Variants in BRSK2 observed in about 807,000 individuals in gnomAD.
The protein encoded by BRSK2 is BR serine/threonine kinase 2.
BRSK2 carries 19 observed loss-of-function variants against 83.3 expected under a neutral mutation model. That is an observed-to-expected ratio of 0.23 (90% CI 0.16 to 0.33). The LOEUF (loss-of-function observed/expected upper bound fraction) is 0.33. Ranked by LOEUF, BRSK2 falls within the 10% of genes least tolerant of loss-of-function variation. The pLI, the probability that BRSK2 is intolerant of heterozygous loss-of-function variation, is 1.00. For synonymous variants in BRSK2, 519 were observed against 435.4 expected (o/e 1.19, Z -2.39); for missense variants, 798 against 1,042.3 (o/e 0.77, Z 3.23).
chr11:1,442,409 C>T (rs959796035), intron 4 of BRSK2, 81 bp from the exon 5 acceptor site: 1 of 1,070,944 alleles, frequency 9.3e-7, no homozygotes, highest in African/African-American at 1.6e-5. Flanking sequence ...AGGCAGTGGG[C>T]TCTGGGCAGG....
intron 1 of BRSK2, among the ~76,000 whole-genome samples, chr11:1,403,185 C>T (rs1280564073): frequency 6.6e-6 from 1 of 152,152 alleles, no homozygotes; most frequent in African/African-American, 2.4e-5. Context: ...GTCACGCTAC[C>T]CTTCCCCTGG....
At chr11:1,459,575 C>A in intron 19 of BRSK2, 2 of 356,528 alleles carry the variant, frequency 5.6e-6, no homozygotes, top group East Asian at 5.5e-5. Flanking sequence ...GGGCCGGTGC[C>A]CATCCCTCTG....
At chr11:1,437,446 C>T (rs538494982) in intron 2 of BRSK2, among the ~76,000 whole-genome samples, 4 of 152,320 alleles carry the variant, frequency 2.6e-5, no homozygotes, top group Non-Finnish European at 4.4e-5. Context: ...ACCAGCTGCC[C>T]GTGGCCAGGC....
At position 1,401,157 on chromosome 11, in the gene BRSK2, C is replaced by T. The variant is rs556277442; in HGVS notation, c.91+10782C>T. Reference sequence around the variant, plus strand: ...CTGCATGGGGCAGGGGACGCCCTGCCCACTCCGCAGGCCTCTAGGCTCCCG... The same window carrying T: ...CTGCATGGGGCAGGGGACGCCCTGCTCACTCCGCAGGCCTCTAGGCTCCCG... On this transcript the variant is annotated intron_variant, in intron 1 of 19. Transcript: ENST00000528841. Among the ~76,000 whole-genome samples, 36 of 152,318 alleles carry T rather than the reference C, an allele frequency of 2.4e-4. 1 individual carries two copies. The highest frequency in any genetic ancestry group is 7.9e-4 in the African/African-American group (33 of 41,574).
At chr11:1,426,078 C>T (rs755452158) in intron 1 of BRSK2, among the ~76,000 whole-genome samples, 12 of 152,342 alleles carry the variant, frequency 7.9e-5, no homozygotes, top group Middle Eastern at 3.4e-3. Flanking sequence ...CTAGCCTGTG[C>T]GCGCCCATTC....
In BRSK2 at chr11:1,438,081, G is replaced by A. The variant is rs1156677766; in HGVS notation, c.187-225G>A. ...GCGTCCCCCACAGCTGGCACCAAAG[G>A]CCCCTGCGTCCCCCACAGCTGGCAC... is the stretch of plus-strand genomic sequence containing the variant. On this transcript the variant is annotated intron_variant, in intron 2 of 19. Transcript: ENST00000528841. This position sits in a 1 kb window ranked among gnomAD's most constrained non-coding sequence, Gnocchi z 6.4. Among the ~76,000 whole-genome samples the A allele has an allele frequency of 6.8e-6, 1 of 147,062 alleles. No individual in the cohort carries two copies. The highest frequency in any genetic ancestry group is 1.5e-5 in the Non-Finnish European group (1 of 66,052).
intron 1 of BRSK2, among the ~76,000 whole-genome samples, chr11:1,413,528 C>G (rs1160511266): frequency 2.0e-5 from 3 of 152,192 alleles, no homozygotes; most frequent in African/African-American, 7.2e-5. Flanking sequence ...GCCCTGGGAG[C>G]CCTACAGCCC....
intron 11 of BRSK2, 40 bp from the exon 12 acceptor site, chr11:1,445,717 G>A (rs1300193680): frequency 1.9e-6 from 3 of 1,611,024 alleles, no homozygotes; most frequent in Non-Finnish European, 2.5e-6. Context: ...GCCCCACCGG[G>A]GTCCGGGGGC....
intron 19 of BRSK2, chr11:1,459,497 G>A (rs1847130065): frequency 3.8e-6 from 2 of 521,288 alleles, no homozygotes; most frequent in Admixed American, 3.2e-5. Context: ...CCCAAGAAGG[G>A]GCTCCCAAGG....
intron 1 of BRSK2, among the ~76,000 whole-genome samples, chr11:1,433,312 C>T (rs1352269172): frequency 6.6e-6 from 1 of 152,266 alleles, no homozygotes; most frequent in African/African-American, 2.4e-5. Flanking sequence ...CCACAGCCTC[C>T]CTCCTGCTTC....
At chr11:1,406,808 AGAG>A (rs1258305061) in intron 1 of BRSK2, among the ~76,000 whole-genome samples, 2 of 152,078 alleles carry the variant, frequency 1.3e-5, no homozygotes, top group Admixed American at 6.5e-5. Context: ...AGCTTGGAAA[AGAG>A]GAGCCCAGGC....
intron 1 of BRSK2, among the ~76,000 whole-genome samples, chr11:1,429,550 C>A (rs1439044267): frequency 1.8e-5 from 2 of 113,430 alleles, no homozygotes; most frequent in African/African-American, 7.0e-5. Flanking sequence ...GCGTCTTCTG[C>A]GGTCTGGTCA....
rs2272426 is a variant in BRSK2, at chr11:1,438,469, G to C, written c.272+78G>C. The C allele has an allele frequency of 0.11, 144,021 of 1,361,422 alleles. 13,691 individuals are homozygous for C. The highest frequency in any genetic ancestry group is 0.34 in the African/African-American group (23,825 of 70,144). 84.3% of individuals were successfully genotyped at this position (1,361,422 alleles called of 1,614,324 possible). ...TGCAGGGGTGGGTGTCTGGGGCTTG[G>C]GGAGCACAGGGGCTGGAGGCCAGGG... On this transcript the variant is annotated intron_variant, in intron 3 of 19. Transcript: ENST00000528841. The surrounding 1 kb of genome is among the most constrained non-coding windows in gnomAD (Gnocchi z 6.4).
Position 1,390,815 on chromosome 11 carries a change from C to T in BRSK2, c.91+440C>T, listed in dbSNP as rs1415873141. Reference sequence around the variant, plus strand: ...AGCAGCTGCGCCCCCGGCGGGACTCCCACCTCCGCGCGCCGGCCACCGGGG... The same window carrying T: ...AGCAGCTGCGCCCCCGGCGGGACTCTCACCTCCGCGCGCCGGCCACCGGGG... On this transcript the variant is annotated intron_variant, in intron 1 of 19. Transcript: ENST00000528841. The surrounding 1 kb of genome is among the most constrained non-coding windows in gnomAD (Gnocchi z 6.8). Among the ~76,000 whole-genome samples, 1 of 152,108 alleles carries T rather than the reference C, an allele frequency of 6.6e-6. No homozygotes were observed. Among genetic ancestry groups the T allele is most frequent in the South Asian group, 2.1e-4 (1 of 4,832 alleles).
At position 1,438,270 on chromosome 11, in the gene BRSK2, C is replaced by G; in HGVS notation, c.187-36C>G. Reference sequence around the variant, plus strand: ...GTGGGGAGCGATGCGTGCCCCAGCCCTGTGAGCGTGATGTTCTCTGGCCTC... The same window carrying G: ...GTGGGGAGCGATGCGTGCCCCAGCCGTGTGAGCGTGATGTTCTCTGGCCTC... On this transcript the variant is annotated intron_variant, in intron 2 of 19. Transcript: ENST00000528841. The surrounding 1 kb of genome is among the most constrained non-coding windows in gnomAD (Gnocchi z 6.4). 1 of 1,604,302 alleles carries G rather than the reference C, an allele frequency of 6.2e-7. No individual in the cohort carries two copies. Among genetic ancestry groups the G allele is most frequent in the Non-Finnish European group, 8.5e-7 (1 of 1,171,404 alleles).
At chr11:1,442,705 C>CGGCACCCCACAGGCA in intron 5 of BRSK2, 99 bp downstream of exon 5, 1 of 963,288 alleles carries the variant, frequency 1.0e-6, no homozygotes. Context: ...CTGAGCCTCC[C>CGGCACCCCACAGGCA]GGCACCCCAC....
intron 18 of BRSK2, chr11:1,457,172 C>T: frequency 4.4e-6 from 4 of 910,646 alleles, no homozygotes; most frequent in South Asian, 1.8e-5. Context: ...ACAGGCCAAG[C>T]ATGCCCCGGG....
chr11:1,436,180 CGGGGAATAGCACAGGGGTGGGAG>C, intron 2 of BRSK2, 46 bp downstream of exon 2: 1 of 81,334 alleles, frequency 1.2e-5, no homozygotes, highest in Non-Finnish European at 2.3e-5. Context: ...TGGGGTGGGG[CGGGGAATAGCACAGGGGTGGGAG>C]CCAAGGTTGT....
Position 1,438,159 on chromosome 11 carries a change from C to A in BRSK2, c.187-147C>A. ...GCACCAAAGGCCCCTGCGTCCCCCA[C>A]AGCTGGCACCAAAGGCCCCTGCGAC... On this transcript the variant is annotated intron_variant, in intron 2 of 19. Transcript: ENST00000528841. This position sits in a 1 kb window ranked among gnomAD's most constrained non-coding sequence, Gnocchi z 6.4. 1 of 558,106 alleles carries A rather than the reference C, an allele frequency of 1.8e-6. No individual in the cohort carries two copies. Among genetic ancestry groups the A allele is most frequent in the South Asian group, 2.1e-5 (1 of 47,144 alleles). 34.6% of individuals were successfully genotyped at this position (558,106 alleles called of 1,614,324 possible). A position where few individuals can be genotyped will look rare whatever the true frequency, so the allele number is the denominator to read the frequency against.
Sources: gnomAD v4.1 joint callset for allele counts (sites outside exome capture counted in the v4.1 genomes callset) on GRCh38, gnomAD v4.1.1 for gene constraint, Gnocchi (gnomAD v3.1) non-coding constraint, MANE v1.5 for transcripts, NCBI Gene and HGNC (gene_info 2026-07-23, HGNC 2026-07-21) for gene names.